The following CNTN4 variants were observed in gnomAD, a reference collection of about 807,000 sequenced individuals.
The protein encoded by CNTN4 is contactin 4.
In CNTN4, 77 loss-of-function variants were observed where a neutral mutation model predicts 122.5. The observed-to-expected ratio is 0.63, with a 90% CI of 0.52 to 0.76. The LOEUF is 0.76. Among genes scored for constraint, CNTN4 ranks in the 30% least tolerant of loss-of-function variants. The pLI is 0.00. For synonymous variants in CNTN4, 512 were observed against 447.0 expected (o/e 1.15, Z -1.83); for missense variants, 1,256 against 1,259.1 (o/e 1.00, Z 0.04).
intron 3 of CNTN4, among the ~76,000 whole-genome samples, chr3:2,359,689 A>G (rs541610435): frequency 1.1e-4 from 16 of 152,086 alleles, no homozygotes; most frequent in East Asian, 3.9e-4. Context: ...ACAGGCGCCC[A>G]CCACCACGCC....
chr3:2,697,909 G>T (rs1011713801), intron 4 of CNTN4, among the ~76,000 whole-genome samples: 1 of 152,020 alleles, frequency 6.6e-6, no homozygotes, highest in African/African-American at 2.4e-5. Context: ...TAAACTGATT[G>T]GATGAGGCCC....
At chr3:2,782,483 G>C (rs1447156857) in intron 6 of CNTN4, among the ~76,000 whole-genome samples, 1 of 150,206 alleles carries the variant, frequency 6.7e-6, no homozygotes, top group Non-Finnish European at 1.5e-5. Context: ...GTGTGTGTGT[G>C]TGTGTGTGTG....
intron 4 of CNTN4, among the ~76,000 whole-genome samples, chr3:2,616,173 G>A (rs559417083): frequency 6.6e-6 from 1 of 151,444 alleles, no homozygotes; most frequent in East Asian, 2.0e-4. Context: ...CAGGCCCAGT[G>A]TGTGTTGTTC....
chr3:2,289,137 A>G (rs1423570070), intron 2 of CNTN4, among the ~76,000 whole-genome samples: 1 of 152,206 alleles, frequency 6.6e-6, no homozygotes, highest in Non-Finnish European at 1.5e-5. Context: ...CAGCTTCCCA[A>G]TGCCTATCAT....
At position 2,098,965 on chromosome 3, in the gene CNTN4, G is replaced by C. The variant is rs1431936991; in HGVS notation, c.-240G>C. 2 of 152,246 alleles carry C rather than the reference G, an allele frequency of 1.3e-5. No individual in the cohort carries two copies. Among genetic ancestry groups the C allele is most frequent in the African/African-American group, 4.8e-5 (2 of 41,460 alleles). The allele number at this position is 152,246 out of a possible 1,614,324, so 9.4% of individuals were successfully genotyped here. On this transcript the variant is annotated 5_prime_UTR_variant, in exon 1 of 25. Transcript: ENST00000418658. ...CACCCGAGGCTCTCGCCAGCCCGGC[G>C]CCCCGGTGCTGAGGTAAGTGAGGCG...
rs549140298 is a variant in CNTN4, at chr3:2,528,614, G to A, written c.-88-42802G>A. Among the ~76,000 whole-genome samples the A allele has an allele frequency of 2.0e-5, 3 of 152,216 alleles. No homozygotes were observed. In the South Asian group the frequency reaches 6.2e-4, roughly 32 times the overall value. ...AATTTTTTAAAAGCACTTTTAGGAGGTAGATAGTATAGTGCATTATTGAGA... is the reference window on the plus strand; with the variant it reads ...AATTTTTTAAAAGCACTTTTAGGAGATAGATAGTATAGTGCATTATTGAGA... On this transcript the variant is annotated intron_variant, in intron 3 of 24. Coordinates refer to ENST00000418658, the MANE Select transcript of CNTN4 (RefSeq NM_175607.3).
chr3:2,114,810 C>A (rs574166072), intron 2 of CNTN4, among the ~76,000 whole-genome samples: 1 of 152,330 alleles, frequency 6.6e-6, no homozygotes, highest in South Asian at 2.1e-4. Context: ...CAGTGCTGAT[C>A]TGCTGACCAA....
chr3:2,315,209 AT>A (rs34866286), intron 2 of CNTN4, among the ~76,000 whole-genome samples: 72,104 of 150,496 alleles, frequency 0.48, 18,304 homozygotes, highest in Non-Finnish European at 0.57. Flanking sequence ...AATCAGCTCC[AT>A]TTTTTTTTTG....
intron 4 of CNTN4, among the ~76,000 whole-genome samples, chr3:2,677,504 ATC>A (rs2084935955): frequency 7.2e-6 from 1 of 138,250 alleles, no homozygotes; most frequent in East Asian, 2.2e-4. Context: ...CTATCTATCT[ATC>A]TATCTATCTA....
chr3:2,798,045 C>T (rs538884805), intron 6 of CNTN4, among the ~76,000 whole-genome samples: 1 of 134,590 alleles, frequency 7.4e-6, no homozygotes, highest in East Asian at 2.3e-4. Context: ...GCATTGTACC[C>T]ATTAAGTATT....
chr3:2,398,282 A>G (rs2046712537), intron 3 of CNTN4, among the ~76,000 whole-genome samples: 2 of 152,182 alleles, frequency 1.3e-5, no homozygotes, highest in African/African-American at 2.4e-5. Context: ...ACTCATTAAA[A>G]CAAAAACAAA....
At chr3:2,687,188 T>C (rs2085472931) in intron 4 of CNTN4, among the ~76,000 whole-genome samples, 1 of 25,606 alleles carries the variant, frequency 3.9e-5, no homozygotes, top group South Asian at 9.3e-4. Flanking sequence ...CCGTTGGTGA[T>C]ATAAAAAGAG....
intron 4 of CNTN4, among the ~76,000 whole-genome samples, chr3:2,680,363 G>A (rs1250978308): frequency 3.3e-5 from 5 of 152,166 alleles, no homozygotes; most frequent in Admixed American, 3.3e-4. Flanking sequence ...AGAGTCAGAT[G>A]TATAAATGAA....
chr3:2,403,897 T>G (rs754086924), intron 3 of CNTN4, among the ~76,000 whole-genome samples: 4 of 152,154 alleles, frequency 2.6e-5, no homozygotes, highest in South Asian at 2.1e-4. Flanking sequence ...ATGCTGCTCT[T>G]TAGAAAATGG....
chr3:2,530,899 T>G (rs974284532), intron 3 of CNTN4, among the ~76,000 whole-genome samples: 2 of 152,188 alleles, frequency 1.3e-5, no homozygotes, highest in Non-Finnish European at 2.9e-5. Flanking sequence ...TAAACCACTG[T>G]TATAGTTTCA....
chr3:2,305,899 G>C (rs780744855), intron 2 of CNTN4, among the ~76,000 whole-genome samples: 1 of 152,090 alleles, frequency 6.6e-6, no homozygotes, highest in Non-Finnish European at 1.5e-5. Flanking sequence ...GTAGAGTTTT[G>C]TGTCTGACTT....
chr3:2,210,711 A>G (rs1218039717), intron 2 of CNTN4, among the ~76,000 whole-genome samples: 1 of 152,158 alleles, frequency 6.6e-6, no homozygotes, highest in Non-Finnish European at 1.5e-5. Flanking sequence ...TCTCTATGGT[A>G]AGACTCATCT....
In CNTN4 at chr3:2,098,955, C is replaced by G. The variant is rs550870839; in HGVS notation, c.-250C>G. Reference sequence around the variant, plus strand: ...GCCGGCGCCGCACCCGAGGCTCTCGCCAGCCCGGCGCCCCGGTGCTGAGGT... The same window carrying G: ...GCCGGCGCCGCACCCGAGGCTCTCGGCAGCCCGGCGCCCCGGTGCTGAGGT... On this transcript the variant is annotated 5_prime_UTR_variant, in exon 1 of 25. Transcript: ENST00000418658. 6.6e-6 allele frequency: 1 copy of G among 152,260 alleles called. No individual in the cohort carries two copies. The allele number at this position is 152,260 out of a possible 1,614,324, so 9.4% of individuals were successfully genotyped here.
At chr3:2,445,563 A>G (rs1024349545) in intron 3 of CNTN4, among the ~76,000 whole-genome samples, 1 of 152,136 alleles carries the variant, frequency 6.6e-6, no homozygotes, top group Admixed American at 6.6e-5. Context: ...TTTTCTTATA[A>G]TTCTCTTTGC....
Sources: gnomAD v4.1 joint callset for allele counts (sites outside exome capture counted in the v4.1 genomes callset) on GRCh38, gnomAD v4.1.1 for gene constraint, MANE v1.5 for transcripts, NCBI Gene and HGNC (gene_info 2026-07-23, HGNC 2026-07-21) for gene names.